The following SORCS2 variants were observed in gnomAD, a reference collection of about 807,000 sequenced individuals.
The protein encoded by SORCS2 is sortilin related VPS10 domain containing receptor 2.
A neutral mutation model predicts 141.6 loss-of-function variants in SORCS2; 100 were observed. The observed-to-expected ratio is 0.71, with a 90% CI of 0.60 to 0.83. SORCS2 has a LOEUF of 0.83. SORCS2 is among the 40% of genes least tolerant of loss of function. The pLI, the probability that SORCS2 is intolerant of heterozygous loss-of-function variation, is 0.00. For synonymous variants in SORCS2, 789 were observed against 676.9 expected (o/e 1.17, Z -2.57); for missense variants, 1,646 against 1,560.2 (o/e 1.05, Z -0.93).
At position 7,715,297 on chromosome 4, in the gene SORCS2, C is replaced by T. The variant is rs1726118850; in HGVS notation, c.2238C>T (p.Tyr746=). ...ACGACTGTGCCCTGGGCCAGACCTA[C>T]ACCAGCAGCCTTGGGTGAGTGTGGG... ...PPDDCALGQT[Y]TSSLGYRKVV... The change falls in exon 17 of 27, where the codon TAC becomes TAT. Residue 746 remains tyrosine (Y), a synonymous_variant. Transcript: ENST00000507866. The T allele has an allele frequency of 6.2e-7, 1 of 1,614,032 alleles. No individual in the cohort carries two copies. The highest frequency in any genetic ancestry group is 8.5e-7 in the Non-Finnish European group (1 of 1,179,886).
chr4:7,383,047 A>G (rs1723085164), intron 1 of SORCS2, among the ~76,000 whole-genome samples: 1 of 152,206 alleles, frequency 6.6e-6, no homozygotes. Context: ...GGAAAAGGCC[A>G]TGAAGACTCC....
chr4:7,629,125 G>A (rs371739199), intron 3 of SORCS2, among the ~76,000 whole-genome samples: 8 of 152,022 alleles, frequency 5.3e-5, no homozygotes, highest in Non-Finnish European at 1.2e-4. Context: ...GTGAGGCGAC[G>A]GCTGTGTTGA....
intron 19 of SORCS2, 75 bp from the exon 20 acceptor site, chr4:7,725,079 A>C: frequency 2.0e-5 from 30 of 1,466,156 alleles, no homozygotes; most frequent in Non-Finnish European, 2.7e-5. Flanking sequence ...TGCTGGTGAC[A>C]GTGATCACTA....
chr4:7,542,407 C>T (rs958917302), intron 3 of SORCS2, among the ~76,000 whole-genome samples: 2 of 151,890 alleles, frequency 1.3e-5, no homozygotes, highest in Admixed American at 6.6e-5. Context: ...TATAAGAAAA[C>T]GAGAAGAGAC....
chr4:7,696,951 C>G (rs1260247432), intron 11 of SORCS2, among the ~76,000 whole-genome samples: 1 of 152,200 alleles, frequency 6.6e-6, no homozygotes, highest in Non-Finnish European at 1.5e-5. Flanking sequence ...TCTGAGGTAC[C>G]TGAGCTCCAC....
chr4:7,450,262 G>A (rs1728353192), intron 2 of SORCS2, among the ~76,000 whole-genome samples: 1 of 152,338 alleles, frequency 6.6e-6, no homozygotes, highest in East Asian at 1.9e-4. Context: ...AGGCTCTCTG[G>A]AGTGACACGG....
chr4:7,730,293 G>A (rs1469431307), intron 23 of SORCS2, among the ~76,000 whole-genome samples: 10 of 152,216 alleles, frequency 6.6e-5, no homozygotes, highest in African/African-American at 1.9e-4. Flanking sequence ...CAAGGAAGCA[G>A]AGAACTTGGA....
rs116761370 is a variant in SORCS2, at chr4:7,215,438, C to T, written c.480+22312C>T. The stretch of plus-strand genomic sequence containing the variant: ...CGACTCCGTGGGTTCCTGTGCTGCC[C>T]GAGCCTCCCTGACGAGCGCGACCCC... On this transcript the variant is annotated intron_variant, in intron 1 of 26. Coordinates refer to ENST00000507866, the MANE Select transcript of SORCS2 (RefSeq NM_020777.3). 2.6e-3 allele frequency among the ~76,000 whole-genome samples: 397 copies of T among 152,340 alleles called. 1 individual carries two copies. The highest frequency in any genetic ancestry group is 9.2e-3 in the African/African-American group (382 of 41,586).
In SORCS2 at chr4:7,653,550, C is replaced by A. The variant is rs186808083; in HGVS notation, c.814-584C>A. ...GAGCCACCGCACCTGGCCCTAAAGA[C>A]ACAATTATTAAGAAGTTCAAGTTGG... On this transcript the variant is annotated intron_variant, in intron 4 of 26. Coordinates refer to ENST00000507866, the MANE Select transcript of SORCS2 (RefSeq NM_020777.3). Among the ~76,000 whole-genome samples the A allele has an allele frequency of 1.5e-4, 23 of 152,302 alleles. No individual in the cohort carries two copies. In the East Asian group the frequency reaches 4.1e-3, roughly 27 times the overall value.
intron 1 of SORCS2, among the ~76,000 whole-genome samples, chr4:7,333,691 A>G (rs1387060626): frequency 6.6e-6 from 1 of 152,190 alleles, no homozygotes; most frequent in Non-Finnish European, 1.5e-5. Context: ...CCAGGGGCCC[A>G]GGTCTCCCCA....
chr4:7,434,932 A>G, intron 2 of SORCS2: 1 of 1,470,440 alleles, frequency 6.8e-7, no homozygotes, highest in Non-Finnish European at 9.0e-7. Flanking sequence ...TGCTGCTATA[A>G]ACCTGGCTCT....
At chr4:7,610,106 G>A (rs1029071627) in intron 3 of SORCS2, among the ~76,000 whole-genome samples, 2 of 152,112 alleles carry the variant, frequency 1.3e-5, no homozygotes, top group Non-Finnish European at 2.9e-5. Context: ...AGGACGCGCT[G>A]AGTAAAGTTC....
intron 11 of SORCS2, among the ~76,000 whole-genome samples, chr4:7,694,485 A>G (rs1724467377): frequency 6.6e-6 from 1 of 151,764 alleles, no homozygotes; most frequent in African/African-American, 2.4e-5. Flanking sequence ...AGGAAAACAG[A>G]TAGCATTTCT....
intron 3 of SORCS2, among the ~76,000 whole-genome samples, chr4:7,594,484 C>G (rs1405833754): frequency 6.6e-6 from 1 of 152,260 alleles, no homozygotes; most frequent in Non-Finnish European, 1.5e-5. Flanking sequence ...TGCTCCCCTC[C>G]TTGGCACTGT....
chr4:7,605,839 C>T (rs1020747262), intron 3 of SORCS2, among the ~76,000 whole-genome samples: 1 of 152,058 alleles, frequency 6.6e-6, no homozygotes, highest in African/African-American at 2.4e-5. Context: ...TTACAGAGAC[C>T]CACCCCAGCA....
At chr4:7,588,419 G>A (rs567341283) in intron 3 of SORCS2, among the ~76,000 whole-genome samples, 1 of 152,330 alleles carries the variant, frequency 6.6e-6, no homozygotes, top group South Asian at 2.1e-4. Context: ...TTCTCCTTGG[G>A]GGCTGGGTTT....
intron 1 of SORCS2, among the ~76,000 whole-genome samples, chr4:7,283,017 A>T (rs1459136322): frequency 6.6e-6 from 1 of 151,956 alleles, no homozygotes. Flanking sequence ...TCATTCACCC[A>T]TTCACTCATT....
chr4:7,668,654 A>T lies in SORCS2; in HGVS notation c.1161+1441A>T, dbSNP rs565589317. Among the ~76,000 whole-genome samples the T allele has an allele frequency of 4.7e-4, 72 of 152,340 alleles. No individual in the cohort carries two copies. In the South Asian group the frequency reaches 0.013, roughly 28 times the overall value. Reference sequence around the variant, plus strand: ...TTAAAAACAAGAAAAAAATAAAAGGAAAAAAGGAGTGAGCTTAATAGACTG... The same window carrying T: ...TTAAAAACAAGAAAAAAATAAAAGGTAAAAAGGAGTGAGCTTAATAGACTG... On this transcript the variant is annotated intron_variant, in intron 8 of 26. Transcript: ENST00000507866.
chr4:7,476,305 A>G (rs920464301), intron 2 of SORCS2, among the ~76,000 whole-genome samples: 38 of 152,224 alleles, frequency 2.5e-4, no homozygotes, highest in African/African-American at 7.5e-4. Context: ...TTTATAAGTC[A>G]GGAACCTGTA....
Sources: gnomAD v4.1 joint callset for allele counts (sites outside exome capture counted in the v4.1 genomes callset) on GRCh38, gnomAD v4.1.1 for gene constraint, MANE v1.5 for transcripts, NCBI Gene and HGNC (gene_info 2026-07-23, HGNC 2026-07-21) for gene names.